PRPF4: variants seen among roughly 807,000 people sequenced by gnomAD.
PRPF4 encodes the protein pre-mRNA splicing tri-snRNP complex factor PRPF4.
Under a neutral mutation model 72.2 loss-of-function variants are expected in PRPF4, and 14 were observed. The observed-to-expected ratio is 0.19, with a 90% confidence interval of 0.13 to 0.30. The LOEUF (loss-of-function observed/expected upper bound fraction) is 0.30, where lower values mean the gene tolerates loss of function less well. PRPF4 is among the 10% of genes least tolerant of loss of function. The pLI is 1.00. For synonymous variants in PRPF4, 225 were observed against 232.2 expected (o/e 0.97, Z 0.28); for missense variants, 478 against 653.9 (o/e 0.73, Z 2.93).
At chr9:113,282,267 G>T (rs1832303000) in intron 3 of PRPF4, among the ~76,000 whole-genome samples, 1 of 152,150 alleles carries the variant, frequency 6.6e-6, no homozygotes, top group Non-Finnish European at 1.5e-5. Flanking sequence ...GAGCCCAGAA[G>T]TTCAAGACTT....
chr9:113,286,666 G>C (rs764888038), intron 8 of PRPF4, 39 bp from the exon 9 acceptor site: 3 of 1,613,414 alleles, frequency 1.9e-6, no homozygotes, highest in Non-Finnish European at 2.5e-6. Flanking sequence ...TTATAAAGAG[G>C]CAGGAACCTT....
chr9:113,288,225 TAATGTGGC>T lies in PRPF4; in HGVS notation c.985_992del (p.Met329SerfsTer12). 1 of 1,614,198 alleles carries T rather than the reference TAATGTGGC, an allele frequency of 6.2e-7. No homozygotes were observed. Among genetic ancestry groups the T allele is most frequent in the Non-Finnish European group, 8.5e-7 (1 of 1,180,038 alleles). ...GGCCATACAGTGCGTGTGGCGCGGG[TAATGTGGC>T]ATCCTTCAGGACGTTTCCTGGGCAC... On this transcript the variant is annotated frameshift_variant, in exon 10 of 14. Transcript: ENST00000374198. LOFTEE classifies it high-confidence loss of function.
At chr9:113,277,737 C>T (rs1832154382) in intron 2 of PRPF4, among the ~76,000 whole-genome samples, 1 of 152,058 alleles carries the variant, frequency 6.6e-6, no homozygotes, top group Admixed American at 6.6e-5. Context: ...TGGTGGCTCA[C>T]ACCTGTAATC....
chr9:113,286,622 G>C (rs1265975883), intron 8 of PRPF4, 83 bp from the exon 9 acceptor site: 1 of 1,509,726 alleles, frequency 6.6e-7, no homozygotes, highest in Admixed American at 1.7e-5. Flanking sequence ...TGAATACTCT[G>C]TATGTCCACA....
intron 3 of PRPF4, among the ~76,000 whole-genome samples, chr9:113,280,871 C>T (rs1433690175): frequency 1.3e-5 from 2 of 151,892 alleles, no homozygotes; most frequent in African/African-American, 2.4e-5. Flanking sequence ...AACGGAGTCT[C>T]GCTCTGTCAC....
intron 13 of PRPF4, among the ~76,000 whole-genome samples, 196 bp downstream of exon 13, chr9:113,291,212 G>C (rs1259489761): frequency 6.6e-6 from 1 of 152,136 alleles, no homozygotes; most frequent in African/African-American, 2.4e-5. Flanking sequence ...CTCGTTGCAG[G>C]AAGTAAAGCA....
In PRPF4 at chr9:113,288,280, ATTG is replaced by A. The variant is rs1832508729; in HGVS notation, c.1022+19_1022+21del. 1 of 1,611,962 alleles carries A rather than the reference ATTG, an allele frequency of 6.2e-7. No individual in the cohort carries two copies. Among genetic ancestry groups the A allele is most frequent in the South Asian group, 1.1e-5 (1 of 90,966 alleles). ...GCACCACCTGGTGAGCCATCCTGTTATTGTTTTATCCATATAGGCCTGTAGCAT... is the reference window on the plus strand; with the variant it reads ...GCACCACCTGGTGAGCCATCCTGTTATTTTATCCATATAGGCCTGTAGCAT... On this transcript the variant is annotated intron_variant, in intron 10 of 13. Transcript: ENST00000374198.
At chr9:113,284,239 A>G in intron 6 of PRPF4, 56 bp from the exon 7 acceptor site, 1 of 1,296,732 alleles carries the variant, frequency 7.7e-7, no homozygotes, top group Non-Finnish European at 1.1e-6. Flanking sequence ...AAAGCAAAGG[A>G]GCTCTTAGAT....
rs1201560670 is a variant in PRPF4, at chr9:113,291,492, T to C, written c.1398T>C (p.Thr466=). The change falls in exon 14 of 14, where the codon ACT becomes ACC. Residue 466 remains threonine, a synonymous_variant. Coordinates refer to ENST00000374198, the MANE Select transcript of PRPF4 (RefSeq NM_001244926.2). ...CTATCCATGGGAACTTCTTGCTTACTGGTGCCTATGATAACACAGCCAAGA... is the reference window on the plus strand; with the variant it reads ...CTATCCATGGGAACTTCTTGCTTACCGGTGCCTATGATAACACAGCCAAGA... ...FEPIHGNFLL[T]GAYDNTAKIW... The C allele has an allele frequency of 6.2e-7, 1 of 1,613,982 alleles. No individual in the cohort carries two copies. The highest frequency in any genetic ancestry group is 2.2e-5 in the East Asian group (1 of 44,898).
At chr9:113,277,738 A>G (rs981964365) in intron 2 of PRPF4, among the ~76,000 whole-genome samples, 23 of 151,892 alleles carry the variant, frequency 1.5e-4, no homozygotes, top group African/African-American at 3.9e-4. Context: ...GGTGGCTCAC[A>G]CCTGTAATCC....
chr9:113,276,616 A>G lies in PRPF4; in HGVS notation c.96A>G (p.Gly32=). The change falls in exon 2 of 14, where the codon GGA becomes GGG. Residue 32 remains glycine (G), a synonymous_variant. Transcript: ENST00000374198. ...TGAAGAAACCACACATCTATTATGG[A>G]AGTTTGGAAGAGAAGGAGAGGGAGC... ...PVVKKPHIYY[G]SLEEKERERL... 1 of 1,614,110 alleles carries G rather than the reference A, an allele frequency of 6.2e-7. No homozygotes were observed. Among genetic ancestry groups the G allele is most frequent in the Non-Finnish European group, 8.5e-7 (1 of 1,180,012 alleles).
rs765101580 is a variant in PRPF4 at position 113,279,034 on chromosome 9, A to C, written c.295A>C (p.Asn99His). The change falls in exon 3 of 14, where the codon AAT (asparagine) becomes CAT (histidine). Residue 99 changes from asparagine (N) to histidine (H), a missense_variant. Asn to His is a moderately conservative substitution (Grantham distance 68). Transcript: ENST00000374198. ...GAGAAGGAAGCGAGCCCGGCAGATC[A>C]ATGTTTCCACAGATGACTCAGAGGT... The part of the protein sequence containing the change: ...FERRKRARQI[N>H]VSTDDSEVKA... 1.2e-6 allele frequency: 2 copies of C among 1,614,260 alleles called. No individual in the cohort carries two copies. The highest frequency in any genetic ancestry group is 2.2e-5 in the South Asian group (2 of 91,088).
chr9:113,285,047 G>T (rs1187731359), intron 7 of PRPF4, among the ~76,000 whole-genome samples: 1 of 151,946 alleles, frequency 6.6e-6, no homozygotes, highest in Non-Finnish European at 1.5e-5. Flanking sequence ...AGAAAGCCAA[G>T]GTTCTGCACA....
chr9:113,282,214 C>T (rs546125228), intron 3 of PRPF4, among the ~76,000 whole-genome samples: 5 of 152,216 alleles, frequency 3.3e-5, no homozygotes, highest in African/African-American at 9.6e-5. Context: ...GGCTCATGCC[C>T]GTAATCCCAG....
Position 113,284,341 on chromosome 9 carries a change from C to G in PRPF4, c.701C>G (p.Ser234Cys), listed in dbSNP as rs1487420666. ...CSQIGDDRPI[S>C]YCHFSPNSKM... ...CAGATTGGGGATGATCGGCCTATCT[C>G]CTACTGTCACTTTAGTCCCAATTCC... The change falls in exon 7 of 14, where the codon TCC becomes TGC. Residue 234 changes from serine (S) to cysteine (C), a missense_variant. Coordinates refer to ENST00000374198, the MANE Select transcript of PRPF4 (RefSeq NM_001244926.2). 25 of 1,613,498 alleles carry G rather than the reference C, an allele frequency of 1.5e-5. No homozygotes were observed. Among genetic ancestry groups the G allele is most frequent in the Non-Finnish European group, 2.0e-5 (24 of 1,179,578 alleles).
At chr9:113,283,286 A>G (rs1334649988) in intron 5 of PRPF4, 75 bp downstream of exon 5, 4 of 1,613,424 alleles carry the variant, frequency 2.5e-6, no homozygotes, top group Non-Finnish European at 3.4e-6. Context: ...AGTGCTGGAT[A>G]ATGACTATGG....
At chr9:113,289,355 G>T (rs982259497) in intron 10 of PRPF4, among the ~76,000 whole-genome samples, 15 of 152,092 alleles carry the variant, frequency 9.9e-5, no homozygotes, top group African/African-American at 3.6e-4. Context: ...ACAATTGCTG[G>T]GTCATAGGGT....
intron 9 of PRPF4, among the ~76,000 whole-genome samples, chr9:113,287,238 A>G (rs1367179331): frequency 6.6e-6 from 1 of 152,182 alleles, no homozygotes; most frequent in African/African-American, 2.4e-5. Flanking sequence ...AGTGACCACT[A>G]TTTCCTAGCT....
rs748658147 is a variant in PRPF4, at chr9:113,276,592, G to A, written c.72G>A (p.Val24=). The A allele has an allele frequency of 2.5e-6, 4 of 1,614,060 alleles. No homozygotes were observed. Among genetic ancestry groups the A allele is most frequent in the Admixed American group, 3.3e-5 (2 of 60,000 alleles). ...CCGACGACTTAGTTGCTCCGGTCGTGAAGAAACCACACATCTATTATGGAA... is the reference window on the plus strand; with the variant it reads ...CCGACGACTTAGTTGCTCCGGTCGTAAAGAAACCACACATCTATTATGGAA... ...KAPDDLVAPV[V]KKPHIYYGSL... Residue 24 remains valine, a synonymous_variant, in exon 2 of 14, where the codon GTG becomes GTA. Coordinates refer to ENST00000374198, the MANE Select transcript of PRPF4 (RefSeq NM_001244926.2).
Sources: gnomAD v4.1 joint callset for allele counts (sites outside exome capture counted in the v4.1 genomes callset) on GRCh38, gnomAD v4.1.1 for gene constraint, MANE v1.5 for transcripts, NCBI Gene and HGNC (gene_info 2026-07-23, HGNC 2026-07-21) for gene names.